The following UNC13C variants were observed in gnomAD, a reference collection of about 807,000 sequenced individuals.
UNC13C encodes protein unc-13 homolog C.
In UNC13C, 174 loss-of-function variants were observed where a neutral mutation model predicts 245.4. That is an observed-to-expected ratio of 0.71 (90% CI 0.63 to 0.80). UNC13C has a LOEUF of 0.80. Among genes scored for constraint, UNC13C ranks in the 30% least tolerant of loss-of-function variants. The pLI, the probability that UNC13C is intolerant of heterozygous loss-of-function variation, is 0.00. For synonymous variants in UNC13C, 992 were observed against 895.1 expected (o/e 1.11, Z -1.93); for missense variants, 2,829 against 2,602.9 (o/e 1.09, Z -1.89).
chr15:54,003,298 C>T (rs1894981325), intron 1 of UNC13C, among the ~76,000 whole-genome samples: 1 of 152,148 alleles, frequency 6.6e-6, no homozygotes, highest in East Asian at 1.9e-4. Context: ...TTCTAAGTTG[C>T]TTATCTGTAA....
At chr15:54,572,429 T>C (rs1020365279) in intron 30 of UNC13C, among the ~76,000 whole-genome samples, 5 of 149,168 alleles carry the variant, frequency 3.4e-5, no homozygotes, top group South Asian at 2.1e-4. Flanking sequence ...CTTTAATTTT[T>C]TTTTTTTTTT....
At chr15:54,457,218 G>T (rs1386947102) in intron 19 of UNC13C, among the ~76,000 whole-genome samples, 1 of 151,918 alleles carries the variant, frequency 6.6e-6, no homozygotes, top group African/African-American at 2.4e-5. Context: ...CTCCATCCTT[G>T]GTATGAAACC....
At chr15:54,339,669 G>A (rs989493586) in intron 17 of UNC13C, among the ~76,000 whole-genome samples, 2 of 144,424 alleles carry the variant, frequency 1.4e-5, no homozygotes, top group Non-Finnish European at 3.0e-5. Flanking sequence ...ATATATCACA[G>A]TTTGTTTATT....
the UNC13C span, among the ~76,000 whole-genome samples, chr15:53,877,612 G>A: frequency 3.3e-5 from 5 of 152,012 alleles, no homozygotes; most frequent in Non-Finnish European, 7.4e-5. Context: ...GGAGGAGGAG[G>A]GGTGAAGGAG....
intron 2 of UNC13C, chr15:54,050,081 T>A (rs1897210628): frequency 3.1e-6 from 1 of 324,488 alleles, no homozygotes; most frequent in Non-Finnish European, 6.1e-6. Context: ...GCAATTCTCC[T>A]GCCTCAGCCT....
At chr15:54,204,559 G>A (rs559429963) in intron 4 of UNC13C, among the ~76,000 whole-genome samples, 2 of 152,034 alleles carry the variant, frequency 1.3e-5, no homozygotes, top group East Asian at 1.9e-4. Flanking sequence ...TTGTCTACAC[G>A]TTTAATGTGA....
At chr15:53,955,082 A>AG in the UNC13C span, among the ~76,000 whole-genome samples, 1 of 152,326 alleles carries the variant, frequency 6.6e-6, no homozygotes, top group Admixed American at 6.5e-5. Context: ...CAGTAGCATA[A>AG]GTGCCAGAAT....
intron 2 of UNC13C, chr15:54,050,685 A>T: frequency 1.9e-5 from 10 of 529,236 alleles, no homozygotes; most frequent in South Asian, 1.5e-4. Flanking sequence ...CTCTTTGGAA[A>T]CCGGTGAAGA....
the UNC13C span, among the ~76,000 whole-genome samples, chr15:53,846,235 C>T: frequency 6.6e-6 from 1 of 152,172 alleles, no homozygotes; most frequent in African/African-American, 2.4e-5. Flanking sequence ...AGCAACTCTA[C>T]TGACATGATT....
chr15:54,038,124 A>ATATATAAATTTTTTTTTTTTTTTTTTT, intron 2 of UNC13C, among the ~76,000 whole-genome samples: 1 of 45,040 alleles, frequency 2.2e-5, no homozygotes, highest in African/African-American at 1.1e-4. Flanking sequence ...ATATATATAT[A>ATATATAAATTTTTTTTTTTTTTTTTTT]TTTTTTTTTT....
At chr15:54,456,634 A>ATT (rs1891548331) in intron 19 of UNC13C, among the ~76,000 whole-genome samples, 1 of 141,332 alleles carries the variant, frequency 7.1e-6, no homozygotes, top group Non-Finnish European at 1.6e-5. Context: ...TTATTTATTT[A>ATT]TAGTTGTTGC....
intron 26 of UNC13C, among the ~76,000 whole-genome samples, chr15:54,536,617 A>T (rs746065742): frequency 1.1e-4 from 17 of 152,262 alleles, no homozygotes; most frequent in Middle Eastern, 3.4e-3. Context: ...GCAGCATATC[A>T]AAAAGCTATC....
chr15:53,871,525 A>G, the UNC13C span, among the ~76,000 whole-genome samples: 1 of 152,154 alleles, frequency 6.6e-6, no homozygotes, highest in Non-Finnish European at 1.5e-5. Flanking sequence ...CAAGGCTGTG[A>G]GCAACTTGAG....
chr15:54,554,297 A>G (rs921132688), intron 28 of UNC13C, among the ~76,000 whole-genome samples: 11 of 152,138 alleles, frequency 7.2e-5, no homozygotes, highest in African/African-American at 2.6e-4. Context: ...GATAAAGGCC[A>G]AAATAGAAGG....
At chr15:54,522,065 T>G (rs1895241351) in intron 24 of UNC13C, among the ~76,000 whole-genome samples, 1 of 152,200 alleles carries the variant, frequency 6.6e-6, no homozygotes, top group Non-Finnish European at 1.5e-5. Context: ...TGCCTAGGGC[T>G]AGCTACACTT....
intron 2 of UNC13C, among the ~76,000 whole-genome samples, chr15:54,116,624 C>A (rs138124762): frequency 0.01 from 1,598 of 152,228 alleles, 36 homozygotes; most frequent in African/African-American, 0.037. Context: ...ATTTTCATGA[C>A]TGAATAATTT....
chr15:54,120,072 AG>A, intron 2 of UNC13C, among the ~76,000 whole-genome samples: 1 of 152,210 alleles, frequency 6.6e-6, no homozygotes, highest in South Asian at 2.1e-4. Context: ...CAGAAGACCT[AG>A]TTAAGATAAT....
chr15:54,270,476 A>G (rs934710787), intron 10 of UNC13C, among the ~76,000 whole-genome samples: 1 of 152,140 alleles, frequency 6.6e-6, no homozygotes, highest in African/African-American at 2.4e-5. Context: ...GGTAGATACT[A>G]TATATGAATT....
rs183404539 is a variant in UNC13C at position 54,082,733 on chromosome 15, T to C, written c.2984-60285T>C. Among the ~76,000 whole-genome samples the C allele has an allele frequency of 1.6e-4, 24 of 152,304 alleles. No individual in the cohort carries two copies. The East Asian group carries it at 4.2e-3, about 27-fold the overall frequency. ...ATTTTTGAGTTTTCTATCATTTTGA[T>C]GGGACTGTTTTTAATTTTTTATCTT... On this transcript the variant is annotated intron_variant, in intron 2 of 32. Transcript: ENST00000260323.
Sources: allele counts gnomAD v4.1 joint callset (sites outside exome capture counted in the v4.1 genomes callset), GRCh38; gene constraint gnomAD v4.1.1; transcripts MANE v1.5; gene names NCBI Gene and HGNC (gene_info 2026-07-23, HGNC 2026-07-21).